Variants in FOXP1 observed in about 807,000 individuals in gnomAD.
The protein encoded by FOXP1 is forkhead box P1.
A neutral mutation model predicts 98.2 loss-of-function variants in FOXP1; 15 were observed. The ratio of observed to expected loss-of-function variants is 0.15; its 90% confidence interval spans 0.10 to 0.24. The LOEUF (loss-of-function observed/expected upper bound fraction) is 0.24. FOXP1 is among the 10% of genes least tolerant of loss of function. The pLI, the probability that FOXP1 is intolerant of heterozygous loss-of-function variation, is 1.00. For synonymous variants in FOXP1, 371 were observed against 314.5 expected (o/e 1.18, Z -1.90); for missense variants, 633 against 848.5 (o/e 0.75, Z 3.15).
At chr3:71,582,094 G>T (rs2048223749) in intron 1 of FOXP1, 3 of 982,166 alleles carry the variant, frequency 3.1e-6, no homozygotes, top group Non-Finnish European at 3.6e-6. Context: ...GCTGCAGGCA[G>T]CGATTTCGAA....
intron 5 of FOXP1, among the ~76,000 whole-genome samples, chr3:71,203,004 A>T (rs541796991): frequency 6.6e-6 from 1 of 152,268 alleles, no homozygotes; most frequent in South Asian, 2.1e-4. Flanking sequence ...AACTAACTCT[A>T]TAACTAACTA....
intron 6 of FOXP1, among the ~76,000 whole-genome samples, chr3:71,115,381 G>C (rs1406885393): frequency 2.0e-5 from 3 of 150,520 alleles, no homozygotes; most frequent in African/African-American, 7.3e-5. Context: ...CTGTCACCCA[G>C]GCTGGAGTGC....
chr3:71,371,828 T>A (rs894289281), intron 3 of FOXP1, among the ~76,000 whole-genome samples: 4 of 151,738 alleles, frequency 2.6e-5, no homozygotes, highest in Non-Finnish European at 5.9e-5. Context: ...CCCCCTAACC[T>A]CTCCCACACC....
intron 11 of FOXP1, among the ~76,000 whole-genome samples, chr3:71,034,703 A>C (rs2106743907): frequency 6.6e-6 from 1 of 152,300 alleles, no homozygotes; most frequent in South Asian, 2.1e-4. Flanking sequence ...CATCCTTGAC[A>C]AGAGCAAAAC....
At chr3:71,398,687 T>G (rs772979782) in intron 3 of FOXP1, among the ~76,000 whole-genome samples, 1 of 152,172 alleles carries the variant, frequency 6.6e-6, no homozygotes, top group Non-Finnish European at 1.5e-5. Flanking sequence ...CATCTGGCCT[T>G]TAATAAATCA....
At chr3:71,498,592 A>C (rs1023766276) in intron 2 of FOXP1, among the ~76,000 whole-genome samples, 2 of 152,212 alleles carry the variant, frequency 1.3e-5, no homozygotes, top group African/African-American at 4.8e-5. Flanking sequence ...TATCCTAAAA[A>C]AAGAGGATTG....
rs182876172 is a variant in FOXP1, at chr3:71,056,398, T to G, written c.283-2625A>C. 3.9e-4 allele frequency among the ~76,000 whole-genome samples: 60 copies of G among 152,236 alleles called. No individual in the cohort carries two copies. The South Asian group carries it at 7.5e-3, about 19-fold the overall frequency. On this transcript the variant is annotated intron_variant, in intron 7 of 20. Transcript: ENST00000649528. ...TTAAATCTCCTTTTCCCATAATCAT[T>G]TATTCATTTTTTTGCAGTTACGGAA...
At chr3:71,322,784 T>C (rs2075467818) in intron 4 of FOXP1, among the ~76,000 whole-genome samples, 2 of 152,110 alleles carry the variant, frequency 1.3e-5, no homozygotes, top group South Asian at 4.1e-4. Context: ...AAAACAGAGA[T>C]GCGGATGCAG....
intron 4 of FOXP1, among the ~76,000 whole-genome samples, chr3:71,354,170 T>TAAAAAAA (rs2077997372): frequency 7.2e-6 from 1 of 139,320 alleles, no homozygotes; most frequent in African/African-American, 2.8e-5. Context: ...AAAAAAATAC[T>TAAAAAAA]AGGGAGGCTG....
At chr3:71,062,952 T>C (rs79476975) in intron 7 of FOXP1, among the ~76,000 whole-genome samples, 1,576 of 152,350 alleles carry the variant, frequency 0.01, 32 homozygotes, top group African/African-American at 0.036. Flanking sequence ...ATCTTCTTAA[T>C]ATTTGGTTGC....
At chr3:71,011,585 AG>A (rs2043640378) in intron 12 of FOXP1, among the ~76,000 whole-genome samples, 1 of 152,210 alleles carries the variant, frequency 6.6e-6, no homozygotes, top group Non-Finnish European at 1.5e-5. Context: ...TCCTAGCAAT[AG>A]GGGCCAATTA....
At chr3:71,159,045 C>T (rs945147891) in intron 6 of FOXP1, among the ~76,000 whole-genome samples, 3 of 139,570 alleles carry the variant, frequency 2.1e-5, no homozygotes, top group African/African-American at 5.4e-5. Flanking sequence ...GGTCGAGGTG[C>T]AGTAAGCCAT....
chr3:71,406,686 C>T lies in FOXP1; in HGVS notation c.-167-47442G>A, dbSNP rs528703506. On this transcript the variant is annotated intron_variant, in intron 3 of 20. Coordinates refer to ENST00000649528, the MANE Select transcript of FOXP1 (RefSeq NM_001349338.3). ...CATTTGCAACCTTAATTCTCCCTTG[C>T]CATGTAACATACCATATTCCCAGAT... Among the ~76,000 whole-genome samples the T allele has an allele frequency of 9.9e-5, 15 of 152,098 alleles. No individual in the cohort carries two copies. The South Asian group carries it at 3.1e-3, about 32-fold the overall frequency.
At chr3:71,036,831 C>T (rs1050851085) in intron 11 of FOXP1, among the ~76,000 whole-genome samples, 1 of 152,138 alleles carries the variant, frequency 6.6e-6, no homozygotes, top group Non-Finnish European at 1.5e-5. Flanking sequence ...TTCTTTTAAA[C>T]GCAGTGATTT....
At chr3:71,339,958 G>T (rs1219070538) in intron 4 of FOXP1, among the ~76,000 whole-genome samples, 2 of 152,074 alleles carry the variant, frequency 1.3e-5, no homozygotes, top group Non-Finnish European at 2.9e-5. Context: ...TACAGTCGTG[G>T]CTAAACTATT....
intron 5 of FOXP1, chr3:71,210,797 G>T (rs1047678606): frequency 1.4e-4 from 21 of 152,172 alleles, no homozygotes; most frequent in African/African-American, 4.6e-4. Flanking sequence ...CAAAGTGGAG[G>T]GCTGTGTCCT....
intron 7 of FOXP1, among the ~76,000 whole-genome samples, chr3:71,081,173 T>G (rs1384211399): frequency 6.6e-6 from 1 of 152,238 alleles, no homozygotes; most frequent in Non-Finnish European, 1.5e-5. Context: ...TTGACTTTCC[T>G]CAGGGCTCCT....
At chr3:71,282,518 A>G (rs2071680519) in intron 5 of FOXP1, among the ~76,000 whole-genome samples, 1 of 152,178 alleles carries the variant, frequency 6.6e-6, no homozygotes, top group South Asian at 2.1e-4. Context: ...TTTGCTGTGT[A>G]TAAAACATTG....
chr3:71,161,592 C>G (rs867957350), intron 6 of FOXP1, among the ~76,000 whole-genome samples: 1 of 152,210 alleles, frequency 6.6e-6, no homozygotes. Context: ...TAGACTCTAC[C>G]TCTTGAAGAA....
Sources: allele counts gnomAD v4.1 joint callset (sites outside exome capture counted in the v4.1 genomes callset), GRCh38; gene constraint gnomAD v4.1.1; transcripts MANE v1.5; gene names NCBI Gene and HGNC (gene_info 2026-07-23, HGNC 2026-07-21).